Variants in CTNNA3 observed in about 807,000 individuals in gnomAD.
CTNNA3 encodes catenin alpha-3.
A neutral mutation model predicts 95.7 loss-of-function variants in CTNNA3; 76 were observed. That is an observed-to-expected ratio of 0.79 (90% CI 0.66 to 0.96). The LOEUF is 0.96. Among genes scored for constraint, CTNNA3 ranks in the 40% least tolerant of loss-of-function variants. CTNNA3 has a pLI of 0.00. For synonymous variants in CTNNA3, 431 were observed against 374.4 expected, an observed-to-expected ratio of 1.15 and a Z score of -1.74; for missense variants, 1,191 against 1,089.8, an observed-to-expected ratio of 1.09 and a Z score of -1.31.
At chr10:67,202,706 T>C (rs1241641527) in intron 6 of CTNNA3, among the ~76,000 whole-genome samples, 12 of 152,076 alleles carry the variant, frequency 7.9e-5, no homozygotes, top group Admixed American at 7.9e-4. Flanking sequence ...AAGTGCTTTA[T>C]CCAACAGACC....
chr10:67,102,096 T>A (rs747829849), intron 7 of CTNNA3, among the ~76,000 whole-genome samples: 2 of 151,676 alleles, frequency 1.3e-5, no homozygotes, highest in Non-Finnish European at 3.0e-5. Flanking sequence ...ATCTCCTAAT[T>A]CATCAAAAAG....
At chr10:66,762,274 T>C (rs1319336230) in intron 9 of CTNNA3, among the ~76,000 whole-genome samples, 2 of 152,194 alleles carry the variant, frequency 1.3e-5, no homozygotes, top group East Asian at 3.9e-4. Context: ...TTGAACACAT[T>C]TGTCATTCAT....
chr10:66,403,289 G>A (rs187866438), intron 11 of CTNNA3, among the ~76,000 whole-genome samples: 1 of 152,186 alleles, frequency 6.6e-6, no homozygotes, highest in Admixed American at 6.5e-5. Context: ...CTATCCTGGT[G>A]TAGATATCTG....
intron 13 of CTNNA3, among the ~76,000 whole-genome samples, chr10:66,158,768 C>T (rs1160540509): frequency 6.6e-6 from 1 of 151,990 alleles, no homozygotes; most frequent in Non-Finnish European, 1.5e-5. Context: ...ATTGATTCTA[C>T]CCATTCATGA....
At chr10:66,357,954 T>C (rs2092623992) in intron 12 of CTNNA3, among the ~76,000 whole-genome samples, 1 of 152,198 alleles carries the variant, frequency 6.6e-6, no homozygotes, top group Non-Finnish European at 1.5e-5. Flanking sequence ...ACACTCCTTA[T>C]TGTCTGTTCA....
intron 5 of CTNNA3, among the ~76,000 whole-genome samples, chr10:67,228,108 C>A (rs1042726976): frequency 1.4e-4 from 22 of 152,164 alleles, no homozygotes; most frequent in Non-Finnish European, 2.8e-4. Flanking sequence ...TACGGCTATA[C>A]CTCAAGGAAC....
chr10:67,156,976 C>T (rs1259829767), intron 7 of CTNNA3, among the ~76,000 whole-genome samples: 1 of 152,066 alleles, frequency 6.6e-6, no homozygotes, highest in East Asian at 1.9e-4. Flanking sequence ...ATGTTGGGTA[C>T]ATATATTTAT....
Position 66,598,503 on chromosome 10 carries a change from T to C in CTNNA3, c.1374+23189A>G, listed in dbSNP as rs184952225. ...TTTGTAGACAACATGGTCTTATATATAGAAAACCAGAAAAACTCCACCAAA... is the reference window on the plus strand; with the variant it reads ...TTTGTAGACAACATGGTCTTATATACAGAAAACCAGAAAAACTCCACCAAA... On this transcript the variant is annotated intron_variant, in intron 10 of 17. Transcript: ENST00000433211. Among the ~76,000 whole-genome samples, 142 of 152,022 alleles carry C rather than the reference T, an allele frequency of 9.3e-4. 1 individual carries two copies. Among genetic ancestry groups the C allele is most frequent in the African/African-American group, 3.2e-3 (132 of 41,506 alleles).
intron 5 of CTNNA3, among the ~76,000 whole-genome samples, chr10:67,221,050 T>C (rs534603134): frequency 1.3e-5 from 2 of 152,170 alleles, no homozygotes; most frequent in East Asian, 1.9e-4. Context: ...ACAGAGAAGA[T>C]TGGGGAGACA....
chr10:66,511,983 T>C (rs1840677961), intron 11 of CTNNA3, among the ~76,000 whole-genome samples: 2 of 151,940 alleles, frequency 1.3e-5, no homozygotes, highest in South Asian at 4.1e-4. Context: ...AGTTCTCAAC[T>C]ATTATTACAT....
chr10:66,459,912 C>A (rs971403734), intron 11 of CTNNA3, among the ~76,000 whole-genome samples: 1 of 151,668 alleles, frequency 6.6e-6, no homozygotes. Context: ...TTTTTAATTT[C>A]TTATATTGTT....
intron 5 of CTNNA3, among the ~76,000 whole-genome samples, chr10:67,349,671 TA>T (rs1842560927): frequency 6.6e-6 from 1 of 152,104 alleles, no homozygotes; most frequent in Non-Finnish European, 1.5e-5. Context: ...ATTGCACACT[TA>T]AAAAATTTGT....
chr10:66,685,317 G>GTGTATATA (rs1290588754), intron 9 of CTNNA3, among the ~76,000 whole-genome samples: 10 of 44,518 alleles, frequency 2.2e-4, no homozygotes, highest in African/African-American at 1.1e-3. Context: ...ATGTGTGTGT[G>GTGTATATA]TATGTGTGTA....
rs201322402 is a variant in CTNNA3, at chr10:66,712,608, T to TCACACACACACACACACACACACA, written c.1281+53655_1281+53656insTGTGTGTGTGTGTGTGTGTGTGTG. ...CTCTCTCTCCCTCTCTCTCTCTCTC[T>TCACACACACACACACACACACACA]CACACACACAGCAAGAGACATTTGA... is the stretch of plus-strand genomic sequence containing the variant. On this transcript the variant is annotated intron_variant, in intron 9 of 17. Transcript: ENST00000433211. Among the ~76,000 whole-genome samples, 1,233 of 151,578 alleles carry TCACACACACACACACACACACACA rather than the reference T, an allele frequency of 8.1e-3. 21 individuals are homozygous for TCACACACACACACACACACACACA. Among genetic ancestry groups the TCACACACACACACACACACACACA allele is most frequent in the African/African-American group, 0.028 (1,154 of 41,328 alleles).
chr10:66,686,900 T>A (rs1263047084), intron 9 of CTNNA3, among the ~76,000 whole-genome samples: 2 of 152,166 alleles, frequency 1.3e-5, no homozygotes, highest in Non-Finnish European at 2.9e-5. Flanking sequence ...TTGTTGTTTT[T>A]TGTTTTTTTG....
At chr10:66,677,473 G>A (rs149994471) in intron 9 of CTNNA3, among the ~76,000 whole-genome samples, 85 of 151,980 alleles carry the variant, frequency 5.6e-4, no homozygotes, top group Non-Finnish European at 1.1e-3. Flanking sequence ...ATATGGTATG[G>A]CTGTGTTCCC....
intron 7 of CTNNA3, among the ~76,000 whole-genome samples, chr10:66,915,523 T>C (rs1846442774): frequency 6.6e-6 from 1 of 151,596 alleles, no homozygotes; most frequent in Admixed American, 6.6e-5. Flanking sequence ...ACAAAATGAG[T>C]GGTAAACTAA....
chr10:66,391,083 G>A (rs532400186), intron 11 of CTNNA3, among the ~76,000 whole-genome samples: 1 of 152,084 alleles, frequency 6.6e-6, no homozygotes, highest in South Asian at 2.1e-4. Context: ...TAGTCACTTG[G>A]TAATTTTACA....
intron 7 of CTNNA3, among the ~76,000 whole-genome samples, chr10:67,035,101 T>C (rs1853966757): frequency 6.6e-6 from 1 of 152,210 alleles, no homozygotes; most frequent in African/African-American, 2.4e-5. Context: ...TATTCACCTG[T>C]ATTGAATTAT....
Sources: gnomAD v4.1 joint callset for allele counts (sites outside exome capture counted in the v4.1 genomes callset) on GRCh38, gnomAD v4.1.1 for gene constraint, MANE v1.5 for transcripts, NCBI Gene and HGNC (gene_info 2026-07-23, HGNC 2026-07-21) for gene names.